RAB37: variants seen among roughly 807,000 people sequenced by gnomAD.
RAB37 encodes ras-related protein Rab-37.
In RAB37, 29 loss-of-function variants were observed where a neutral mutation model predicts 33.1. The observed-to-expected ratio is 0.88, with a 90% CI of 0.65 to 1.20. The LOEUF is 1.20. Ranked by LOEUF, RAB37 falls within the 50% of genes most tolerant of loss-of-function variation. RAB37 has a pLI of 0.00. For missense variants in RAB37, 299 were observed against 301.1 expected, an observed-to-expected ratio of 0.99 and a Z score of 0.05; for synonymous variants, 128 against 119.5, an observed-to-expected ratio of 1.07 and a Z score of -0.47.
In RAB37 at chr17:74,744,258, AG is replaced by A; in HGVS notation, c.367-46del. On this transcript the variant is annotated intron_variant, in intron 5 of 8. Transcript: ENST00000392613. This position sits in a 1 kb window ranked among gnomAD's most constrained non-coding sequence, Gnocchi z 4.2. ...ATAGTCAAACGGAGCAGAAGAAGAA[AG>A]GGGCAGCAGGAGGAAGAGAATGCCA... 6.4e-7 allele frequency: 1 copy of A among 1,556,268 alleles called. No homozygotes were observed. Among genetic ancestry groups the A allele is most frequent in the Non-Finnish European group, 8.8e-7 (1 of 1,133,850 alleles).
At chr17:74,704,354 T>G in intron 1 of RAB37, 1 of 735,988 alleles carries the variant, frequency 1.4e-6, no homozygotes, top group Non-Finnish European at 2.2e-6. Flanking sequence ...TCAGTCAGGG[T>G]TCTATGAGAC....
At chr17:74,696,209 T>C in intron 1 of RAB37, 1 of 1,606,914 alleles carries the variant, frequency 6.2e-7, no homozygotes, top group Non-Finnish European at 8.5e-7. Context: ...TCTGGGGACA[T>C]CCCGGCTGCT....
chr17:74,703,037 G>A (rs1567790635), intron 1 of RAB37: 1 of 1,613,000 alleles, frequency 6.2e-7, no homozygotes, highest in East Asian at 2.2e-5. Flanking sequence ...TGGCTTACCT[G>A]TTGTCCAAGT....
intron 1 of RAB37, chr17:74,695,114 G>T: frequency 6.2e-7 from 1 of 1,614,058 alleles, no homozygotes; most frequent in Non-Finnish European, 8.5e-7. Flanking sequence ...TGCTGATGGT[G>T]CTGTATTCCG....
At chr17:74,695,382 T>C in intron 1 of RAB37, 1 of 1,114,738 alleles carries the variant, frequency 9.0e-7, no homozygotes, top group Non-Finnish European at 1.3e-6. Flanking sequence ...CCCTCCAGCT[T>C]CCCCCTTCAC....
In RAB37 at chr17:74,729,932, G is replaced by T. The variant is rs967376226; in HGVS notation, c.183+566G>T. Reference sequence around the variant, plus strand: ...AACTTAGCAGTCACACGGGTCTCAGGGAGCTGGCAGGCCCAGGTTACAGTT... The same window carrying T: ...AACTTAGCAGTCACACGGGTCTCAGTGAGCTGGCAGGCCCAGGTTACAGTT... On this transcript the variant is annotated intron_variant, in intron 2 of 7. Transcript: ENST00000340415. This position sits in a 1 kb window ranked among gnomAD's most constrained non-coding sequence, Gnocchi z 4.2. Among the ~76,000 whole-genome samples, 1 of 152,200 alleles carries T rather than the reference G, an allele frequency of 6.6e-6. No individual in the cohort carries two copies. The highest frequency in any genetic ancestry group is 6.5e-5 in the Admixed American group (1 of 15,290).
intron 1 of RAB37, among the ~76,000 whole-genome samples, chr17:74,675,642 C>G (rs142379691): frequency 1.3e-5 from 2 of 152,146 alleles, no homozygotes; most frequent in Non-Finnish European, 2.9e-5. Context: ...ATACAAAAAG[C>G]GTGACTTCTA....
chr17:74,699,072 C>T (rs2084312), intron 1 of RAB37, among the ~76,000 whole-genome samples: 89,174 of 151,886 alleles, frequency 0.59, 31,835 homozygotes, highest in Non-Finnish European at 0.8. Context: ...GCACCCACCA[C>T]CACACCTAGC....
At position 74,744,404 on chromosome 17, in the gene RAB37, C is replaced by G; in HGVS notation, c.432+31C>G. On this transcript the variant is annotated intron_variant, in intron 6 of 8. Transcript: ENST00000392613. This position sits in a 1 kb window ranked among gnomAD's most constrained non-coding sequence, Gnocchi z 4.2. Reference sequence around the variant, plus strand: ...TGGCTCCGGGGCAGGGTCAGCCCAGCCCTGCACTTCCTCAGCCCTAGCCGG... The same window carrying G: ...TGGCTCCGGGGCAGGGTCAGCCCAGGCCTGCACTTCCTCAGCCCTAGCCGG... The G allele has an allele frequency of 3.1e-6, 5 of 1,606,992 alleles. No individual in the cohort carries two copies. The highest frequency in any genetic ancestry group is 4.3e-6 in the Non-Finnish European group (5 of 1,173,554).
chr17:74,699,536 C>T (rs765712607), intron 1 of RAB37, among the ~76,000 whole-genome samples: 9 of 152,004 alleles, frequency 5.9e-5, no homozygotes, highest in African/African-American at 9.7e-5. Context: ...GACCATGAGA[C>T]GACAGAGACA....
At chr17:74,685,445 C>T (rs542668888) in intron 1 of RAB37, among the ~76,000 whole-genome samples, 3 of 152,296 alleles carry the variant, frequency 2.0e-5, no homozygotes, top group Admixed American at 1.3e-4. Context: ...GCCTTGGCCT[C>T]CCAAAGTTCT....
intron 1 of RAB37, among the ~76,000 whole-genome samples, chr17:74,727,135 G>T (rs1463094209): frequency 6.6e-6 from 1 of 152,186 alleles, no homozygotes; most frequent in East Asian, 1.9e-4. Flanking sequence ...GCTTCTCTTT[G>T]AAATCTTGTC....
intron 1 of RAB37, among the ~76,000 whole-genome samples, chr17:74,721,255 A>G (rs997331171): frequency 2.0e-5 from 3 of 152,178 alleles, no homozygotes; most frequent in Non-Finnish European, 4.4e-5. Flanking sequence ...TCTTTTACCC[A>G]GTATTTCCCT....
chr17:74,727,508 G>T (rs183043758), intron 1 of RAB37, among the ~76,000 whole-genome samples: 1 of 152,240 alleles, frequency 6.6e-6, no homozygotes, highest in African/African-American at 2.4e-5. Context: ...TAACTCAACC[G>T]TTAGAGGGGT....
rs368470442 is a variant in RAB37, at chr17:74,671,813, C to T, written c.72+155C>T. Among the ~76,000 whole-genome samples, 74 of 152,336 alleles carry T rather than the reference C, an allele frequency of 4.9e-4. No homozygotes were observed. The highest frequency in any genetic ancestry group is 1.6e-3 in the African/African-American group (68 of 41,574). On this transcript the variant is annotated intron_variant, in intron 1 of 7. Transcript: ENST00000340415. This position sits in a 1 kb window ranked among gnomAD's most constrained non-coding sequence, Gnocchi z 5.0. ...TTTCTGTCTGATCCTGTTTCCTGCT[C>T]AAAACAGAGATGCGTGAGCTCTTGG...
intron 1 of RAB37, among the ~76,000 whole-genome samples, chr17:74,739,605 C>G (rs1363998705): frequency 1.3e-5 from 2 of 148,520 alleles, no homozygotes; most frequent in African/African-American, 5.0e-5. Flanking sequence ...TCTCGGCTCA[C>G]TGCAACCTCT....
At chr17:74,692,382 C>G (rs1598190872) in intron 1 of RAB37, among the ~76,000 whole-genome samples, 1 of 152,142 alleles carries the variant, frequency 6.6e-6, no homozygotes, top group Admixed American at 6.5e-5. Context: ...GCGGAAAAGC[C>G]CTTGAAATTC....
intron 1 of RAB37, among the ~76,000 whole-genome samples, chr17:74,717,537 G>A (rs370740600): frequency 1.6e-4 from 25 of 152,096 alleles, no homozygotes; most frequent in South Asian, 4.1e-4. Context: ...GGCTGGGCGC[G>A]GTGGCTCATG....
intron 1 of RAB37, among the ~76,000 whole-genome samples, chr17:74,722,097 C>A (rs540282050): frequency 1.3e-5 from 2 of 151,892 alleles, no homozygotes; most frequent in East Asian, 1.9e-4. Context: ...AGATCGAGAC[C>A]ACAGTGAAAC....
Sources: allele counts gnomAD v4.1 joint callset (sites outside exome capture counted in the v4.1 genomes callset), GRCh38; gene constraint gnomAD v4.1.1; non-coding constraint Gnocchi (gnomAD v3.1); transcripts MANE v1.5; gene names NCBI Gene and HGNC (gene_info 2026-07-23, HGNC 2026-07-21).